The following RABGAP1L variants were observed in gnomAD, a reference collection of about 807,000 sequenced individuals.
The protein encoded by RABGAP1L is RAB GTPase activating protein 1 like.
In RABGAP1L, 63 loss-of-function variants were observed where a neutral mutation model predicts 137.7. That is an observed-to-expected ratio of 0.46 (90% CI 0.37 to 0.56). The LOEUF is 0.56. Ranked by LOEUF, RABGAP1L falls within the 20% of genes least tolerant of loss-of-function variation. RABGAP1L has a pLI of 0.00. For synonymous variants in RABGAP1L, 431 were observed against 433.7 expected (o/e 0.99, Z 0.08); for missense variants, 1,095 against 1,244.0 (o/e 0.88, Z 1.80).
chr1:174,846,152 T>C (rs2148964716), intron 19 of RABGAP1L, among the ~76,000 whole-genome samples: 1 of 151,578 alleles, frequency 6.6e-6, no homozygotes, highest in African/African-American at 2.4e-5. Context: ...GGTCTATCAA[T>C]TTTGTTGATC....
At chr1:174,431,617 A>G (rs556330154) in intron 13 of RABGAP1L, among the ~76,000 whole-genome samples, 2 of 152,332 alleles carry the variant, frequency 1.3e-5, no homozygotes, top group East Asian at 1.9e-4. Flanking sequence ...CTAGAAAATA[A>G]GGACAGCAAA....
At chr1:174,927,026 T>C (rs1376337196) in intron 19 of RABGAP1L, among the ~76,000 whole-genome samples, 1 of 151,634 alleles carries the variant, frequency 6.6e-6, no homozygotes, top group African/African-American at 2.4e-5. Flanking sequence ...TGAGCTGAGA[T>C]TGCACCACTG....
intron 17 of RABGAP1L, among the ~76,000 whole-genome samples, chr1:174,742,940 C>CTT (rs912241350): frequency 3.9e-5 from 6 of 152,148 alleles, no homozygotes; most frequent in Admixed American, 2.0e-4. Flanking sequence ...TGGGAGTCCT[C>CTT]TGAGTGTAGG....
At chr1:174,385,873 A>G (rs907706890) in intron 12 of RABGAP1L, among the ~76,000 whole-genome samples, 15 of 152,262 alleles carry the variant, frequency 9.9e-5, no homozygotes, top group African/African-American at 3.4e-4. Context: ...AAATCAGCAG[A>G]TATAGATAGC....
At chr1:174,320,767 C>T (rs1027050837) in intron 11 of RABGAP1L, among the ~76,000 whole-genome samples, 7 of 152,140 alleles carry the variant, frequency 4.6e-5, no homozygotes, top group East Asian at 3.9e-4. Flanking sequence ...CCATCATCTT[C>T]GTAAGCTGAG....
At chr1:174,664,785 T>A (rs2148430042) in intron 14 of RABGAP1L, among the ~76,000 whole-genome samples, 1 of 142,044 alleles carries the variant, frequency 7.0e-6, no homozygotes, top group African/African-American at 2.6e-5. Flanking sequence ...TTGCCCAGGC[T>A]GGAGTGCAAT....
At chr1:174,938,574 G>A (rs1306723336) in intron 19 of RABGAP1L, 1 of 152,144 alleles carries the variant, frequency 6.6e-6, no homozygotes, top group Admixed American at 6.5e-5. Context: ...CAACAGACTC[G>A]GCTTCAGAAG....
chr1:174,649,989 T>A (rs1342864030), intron 14 of RABGAP1L, among the ~76,000 whole-genome samples: 1 of 152,164 alleles, frequency 6.6e-6, no homozygotes, highest in African/African-American at 2.4e-5. Context: ...ATAGCTCTTA[T>A]CATTTTGAGA....
chr1:174,176,206 G>A (rs56375942), intron 1 of RABGAP1L, among the ~76,000 whole-genome samples: 34,933 of 152,016 alleles, frequency 0.23, 4,478 homozygotes, highest in Non-Finnish European at 0.27. Context: ...TCTACAGTTG[G>A]TAGTTTTATA....
chr1:174,621,579 C>T (rs1303803774), intron 13 of RABGAP1L, among the ~76,000 whole-genome samples: 3 of 152,080 alleles, frequency 2.0e-5, no homozygotes, highest in East Asian at 3.8e-4. Flanking sequence ...CTTTGACAAA[C>T]CTGAGAAAAA....
intron 3 of RABGAP1L, among the ~76,000 whole-genome samples, chr1:174,223,994 G>T (rs758687006): frequency 2.0e-5 from 3 of 152,112 alleles, no homozygotes; most frequent in African/African-American, 4.8e-5. Context: ...TGGGACAGTT[G>T]CATCTTTGAG....
rs187894911 is a variant in RABGAP1L, at chr1:174,247,169, A to G, written c.718-3306A>G. 4.7e-3 allele frequency among the ~76,000 whole-genome samples: 711 copies of G among 152,240 alleles called. 7 individuals are homozygous for G. Among genetic ancestry groups the G allele is most frequent in the Non-Finnish European group, 3.6e-3 (247 of 68,018 alleles). The stretch of plus-strand genomic sequence containing the variant: ...TTTTTTGATATGGCCTTCTGATGTG[A>G]CAAGCTGGCTGATCTGACATAAAGA... On this transcript the variant is annotated intron_variant, in intron 5 of 25. Transcript: ENST00000681986.
At chr1:174,392,524 A>G (rs1018298139) in intron 12 of RABGAP1L, among the ~76,000 whole-genome samples, 1 of 152,204 alleles carries the variant, frequency 6.6e-6, no homozygotes, top group African/African-American at 2.4e-5. Flanking sequence ...CTAACCCAAC[A>G]ATACAAAAGC....
At chr1:174,633,553 C>CA (rs1045373818) in intron 13 of RABGAP1L, among the ~76,000 whole-genome samples, 11 of 146,566 alleles carry the variant, frequency 7.5e-5, no homozygotes, top group African/African-American at 2.9e-4. Context: ...CATATGGAAC[C>CA]AAAAAAGAGC....
chr1:174,404,734 T>C (rs548062261), intron 13 of RABGAP1L, among the ~76,000 whole-genome samples: 154 of 152,214 alleles, frequency 1.0e-3, no homozygotes, highest in African/African-American at 3.6e-3. Context: ...AGTAAAACAA[T>C]ATAAACTTGC....
intron 13 of RABGAP1L, among the ~76,000 whole-genome samples, chr1:174,539,823 G>A (rs940525789): frequency 6.6e-6 from 1 of 152,172 alleles, no homozygotes; most frequent in Non-Finnish European, 1.5e-5. Context: ...TGGGATGTCT[G>A]GGTCAAATGG....
rs543732596 is a variant in RABGAP1L at position 174,371,144 on chromosome 1, G to C, written c.1559+72G>C. On this transcript the variant is annotated intron_variant, in intron 12 of 25. Transcript: ENST00000681986. ...ATGTTAATTTGTTGTATTAAAATCT[G>C]TGTGTTAAAATAGGTTTTAAAGGAT... 12 of 844,322 alleles carry C rather than the reference G, an allele frequency of 1.4e-5. No individual in the cohort carries two copies. The South Asian group carries it at 2.7e-4, about 19-fold the overall frequency. 52.3% of individuals were successfully genotyped at this position (844,322 alleles called of 1,614,324 possible).
In RABGAP1L at chr1:174,275,934, A is replaced by G. The variant is rs779264054; in HGVS notation, c.1155A>G (p.Lys385=). Residue 385 remains lysine, a splice_region_variant and synonymous_variant, in exon 9 of 26, where the codon AAA becomes AAG. Transcript: ENST00000681986. ...TGGCACTTAACGAGGAAACCCCAAA[A>G]GGTGACTTTTCTTAAAAGATCCCTT... ...VFLALNEETP[K]DKQVYMTVAV... 1.9e-6 allele frequency: 3 copies of G among 1,608,548 alleles called. No homozygotes were observed. Among genetic ancestry groups the G allele is most frequent in the Non-Finnish European group, 1.7e-6 (2 of 1,176,154 alleles).
intron 19 of RABGAP1L, among the ~76,000 whole-genome samples, chr1:174,916,967 AC>A (rs751823523): frequency 9.2e-5 from 14 of 152,238 alleles, no homozygotes; most frequent in Non-Finnish European, 1.8e-4. Flanking sequence ...GCTGGGAAAT[AC>A]AAGATCAGTG....
Sources: gnomAD v4.1 joint callset for allele counts (sites outside exome capture counted in the v4.1 genomes callset) on GRCh38, gnomAD v4.1.1 for gene constraint, MANE v1.5 for transcripts, NCBI Gene and HGNC (gene_info 2026-07-23, HGNC 2026-07-21) for gene names.